The following PTPN2 variants were observed in gnomAD, a reference collection of about 807,000 sequenced individuals.
PTPN2 encodes tyrosine-protein phosphatase non-receptor type 2.
In PTPN2, 19 loss-of-function variants were observed where a neutral mutation model predicts 57.3. That is an observed-to-expected ratio of 0.33 (90% CI 0.23 to 0.49). PTPN2 has a LOEUF of 0.49. Ranked by LOEUF, PTPN2 falls within the 20% of genes least tolerant of loss-of-function variation. The probability of loss-of-function intolerance (pLI) is 0.99; values close to 1 mark genes in which losing one functional copy is unlikely to be tolerated. For missense variants in PTPN2, 358 were observed against 501.1 expected (o/e 0.71, Z 2.73); for synonymous variants, 153 against 164.9 (o/e 0.93, Z 0.55).
At chr18:12,857,248 T>C (rs1045627286) in intron 2 of PTPN2, among the ~76,000 whole-genome samples, 3 of 152,066 alleles carry the variant, frequency 2.0e-5, no homozygotes, top group African/African-American at 7.2e-5. Context: ...CAAGTGACCC[T>C]GTGATGGGAA....
In PTPN2 at chr18:12,817,419, A is replaced by C. The variant is rs148789966; in HGVS notation, c.496-54T>G. 3,685 of 1,322,556 alleles carry C rather than the reference A, an allele frequency of 2.8e-3. 95 individuals are homozygous for C. The African/African-American group carries it at 0.049, about 17-fold the overall frequency. 81.9% of individuals were successfully genotyped at this position (1,322,556 alleles called of 1,614,324 possible). A position where few individuals can be genotyped will look rare whatever the true frequency, so the allele number is the denominator to read the frequency against. ...AGTTCTAACTTTTTTCTTTTAAAAA[A>C]CTACTTCAGAAAGATCATGTGTTTT... On this transcript the variant is annotated intron_variant, in intron 5 of 8. Transcript: ENST00000309660.
intron 2 of PTPN2, among the ~76,000 whole-genome samples, chr18:12,857,451 T>C (rs368272300): frequency 6.6e-6 from 1 of 152,196 alleles, no homozygotes; most frequent in Non-Finnish European, 1.5e-5. Flanking sequence ...TGGGGGAAAC[T>C]AGGTGAGGGG....
intron 1 of PTPN2, among the ~76,000 whole-genome samples, chr18:12,873,206 G>A (rs1322754435): frequency 1.3e-5 from 2 of 148,576 alleles, no homozygotes; most frequent in African/African-American, 4.9e-5. Context: ...GGTTGACAGA[G>A]TAAGACTCCG....
In PTPN2 at chr18:12,793,900, A is replaced by G; in HGVS notation, c.*378T>C. On this transcript the variant is annotated 3_prime_UTR_variant, in exon 9 of 9. Transcript: ENST00000309660. ...TTTCCAATAACGTAGATAAAACCAC[A>G]ATATTTATTGCTTATATCAAGTGCA... The G allele has an allele frequency of 6.5e-6, 7 of 1,072,056 alleles. No homozygotes were observed. Among genetic ancestry groups the G allele is most frequent in the Non-Finnish European group, 7.9e-6 (7 of 883,408 alleles). The allele number at this position is 1,072,056 out of a possible 1,614,324, so 66.4% of individuals were successfully genotyped here. A position where few individuals can be genotyped will look rare whatever the true frequency, so the allele number is the denominator to read the frequency against.
chr18:12,843,080 A>C (rs2043098709), intron 2 of PTPN2, among the ~76,000 whole-genome samples: 1 of 152,078 alleles, frequency 6.6e-6, no homozygotes, highest in Non-Finnish European at 1.5e-5. Flanking sequence ...GGGTGAGGGG[A>C]GTTTGAGGGA....
At chr18:12,846,633 C>A (rs1187428180) in intron 2 of PTPN2, among the ~76,000 whole-genome samples, 1 of 152,162 alleles carries the variant, frequency 6.6e-6, no homozygotes, top group African/African-American at 2.4e-5. Flanking sequence ...CTGTCGCAGA[C>A]GTGGAACCAG....
chr18:12,835,682 A>G (rs547836607), intron 3 of PTPN2, among the ~76,000 whole-genome samples: 1 of 152,148 alleles, frequency 6.6e-6, no homozygotes, highest in Admixed American at 6.5e-5. Flanking sequence ...GGCCGATCAC[A>G]TATATCTTTA....
chr18:12,870,407 A>G lies in PTPN2; in HGVS notation c.70-11153T>C, dbSNP rs1245138887. Among the ~76,000 whole-genome samples, 3 of 78,964 alleles carry G rather than the reference A, an allele frequency of 3.8e-5. 1 individual carries two copies. The highest frequency in any genetic ancestry group is 6.5e-5 in the Non-Finnish European group (3 of 46,490). 51.8% of individuals were successfully genotyped at this position (78,964 alleles called of 152,430 possible). ...TACGTATATATGTATATATACACGT[A>G]TATATATGTATATATATACGTATAT... On this transcript the variant is annotated intron_variant, in intron 1 of 8. Transcript: ENST00000309660.
chr18:12,843,471 T>C (rs2043112548), intron 2 of PTPN2, among the ~76,000 whole-genome samples: 1 of 152,188 alleles, frequency 6.6e-6, no homozygotes. Context: ...CGAGTACAGC[T>C]GACTGTCCTG....
At chr18:12,848,828 A>T (rs193017116) in intron 2 of PTPN2, among the ~76,000 whole-genome samples, 4 of 152,384 alleles carry the variant, frequency 2.6e-5, no homozygotes, top group Non-Finnish European at 4.4e-5. Context: ...AGCAACAGAT[A>T]AAACTTTTAT....
chr18:12,798,847 T>C (rs1217492601), intron 8 of PTPN2, among the ~76,000 whole-genome samples: 2 of 152,220 alleles, frequency 1.3e-5, no homozygotes, highest in Admixed American at 1.3e-4. Context: ...TCTTCCACAA[T>C]AGTTGAACTA....
chr18:12,875,490 C>T (rs1029765490), intron 1 of PTPN2, among the ~76,000 whole-genome samples: 4 of 151,144 alleles, frequency 2.6e-5, no homozygotes, highest in Admixed American at 1.3e-4. Flanking sequence ...TGGCTAATCA[C>T]TCTTATCCAA....
rs948011442 is a variant in PTPN2, at chr18:12,884,210, GGGAGAGCGCTGGCGCTGCGGCGC to G, written c.-92_-70del. On this transcript the variant is annotated 5_prime_UTR_variant, in exon 1 of 9. An upstream start codon of the reference 5' UTR is lost. Transcript: ENST00000309660. ...AGAGGCTCAGGCCCCGCACGATCCGGGGAGAGCGCTGGCGCTGCGGCGCATGCGCGCTGCGCGCCGCGCCCCGC... is the reference window on the plus strand; with the variant it reads ...AGAGGCTCAGGCCCCGCACGATCCGGATGCGCGCTGCGCGCCGCGCCCCGC... 2.3e-6 allele frequency: 3 copies of G among 1,296,334 alleles called. No homozygotes were observed. In the African/African-American group the frequency reaches 4.7e-5, roughly 20 times the overall value. 80.3% of individuals were successfully genotyped at this position (1,296,334 alleles called of 1,614,324 possible). A position where few individuals can be genotyped will look rare whatever the true frequency, so the allele number is the denominator to read the frequency against.
intron 1 of PTPN2, among the ~76,000 whole-genome samples, chr18:12,872,823 G>T (rs1334518890): frequency 6.6e-6 from 1 of 152,206 alleles, no homozygotes; most frequent in Admixed American, 6.5e-5. Flanking sequence ...ACCGTACATA[G>T]AACATTAAAT....
chr18:12,877,322 A>G (rs1210894091), intron 1 of PTPN2, among the ~76,000 whole-genome samples: 1 of 152,258 alleles, frequency 6.6e-6, no homozygotes, highest in African/African-American at 2.4e-5. Context: ...AAGAATATAG[A>G]GAACTAAGAA....
At chr18:12,856,014 G>A (rs1301423119) in intron 2 of PTPN2, among the ~76,000 whole-genome samples, 1 of 152,190 alleles carries the variant, frequency 6.6e-6, no homozygotes. Flanking sequence ...AGTGAAAGCT[G>A]GAATGACAGA....
intron 7 of PTPN2, among the ~76,000 whole-genome samples, chr18:12,809,607 TC>T (rs1484447739): frequency 2.0e-5 from 3 of 152,178 alleles, no homozygotes; most frequent in Non-Finnish European, 4.4e-5. Context: ...TCTTTGAAGA[TC>T]CTATCAAGGA....
chr18:12,830,606 C>T (rs1280609955), intron 4 of PTPN2, among the ~76,000 whole-genome samples: 2 of 152,068 alleles, frequency 1.3e-5, no homozygotes. Context: ...AGTAAGAAAT[C>T]TGAAGTAGAA....
chr18:12,812,495 A>G (rs1045656713), intron 7 of PTPN2, among the ~76,000 whole-genome samples: 1 of 152,274 alleles, frequency 6.6e-6, no homozygotes, highest in Non-Finnish European at 1.5e-5. Flanking sequence ...ACTACTCGGA[A>G]GGCTGAGTGG....
Sources: allele counts gnomAD v4.1 joint callset (sites outside exome capture counted in the v4.1 genomes callset), GRCh38; gene constraint gnomAD v4.1.1; transcripts MANE v1.5; gene names NCBI Gene and HGNC (gene_info 2026-07-23, HGNC 2026-07-21).